The following NAALADL2 variants were observed in gnomAD, a reference collection of about 807,000 sequenced individuals.
NAALADL2 encodes inactive N-acetylated-alpha-linked acidic dipeptidase-like protein 2.
NAALADL2 carries 76 observed loss-of-function variants against 87.2 expected under a neutral mutation model. The observed-to-expected ratio is 0.87, with a 90% confidence interval of 0.72 to 1.05. The LOEUF is 1.05. NAALADL2 is among the 50% of genes least tolerant of loss of function. NAALADL2 has a pLI of 0.00. For synonymous variants in NAALADL2, 354 were observed against 331.0 expected (o/e 1.07, Z -0.75); for missense variants, 1,089 against 945.8 (o/e 1.15, Z -1.99).
intron 2 of NAALADL2, among the ~76,000 whole-genome samples, chr3:174,616,470 C>A (rs1410649778): frequency 6.6e-6 from 1 of 151,916 alleles, no homozygotes; most frequent in African/African-American, 2.4e-5. Flanking sequence ...AGATTTTTCA[C>A]TGGTATTTTG....
chr3:175,409,197 A>G (rs968495124), intron 5 of NAALADL2, among the ~76,000 whole-genome samples: 1 of 151,818 alleles, frequency 6.6e-6, no homozygotes, highest in African/African-American at 2.4e-5. Flanking sequence ...ACATAATCTT[A>G]TTAAACCATA....
chr3:174,851,795 T>C (rs1292939796), intron 3 of NAALADL2, among the ~76,000 whole-genome samples: 1 of 152,122 alleles, frequency 6.6e-6, no homozygotes, highest in Non-Finnish European at 1.5e-5. Context: ...TACATGCTAC[T>C]ATTTCTGATG....
chr3:175,616,916 T>C lies in NAALADL2; in HGVS notation c.1801-10375T>C, dbSNP rs556966656. ...GACCCCTAAGGTAGATCTGGATCAG[T>C]ATGGCGGTTGCGGTTCAGCGAATTT... On this transcript the variant is annotated intron_variant, in intron 10 of 13. Transcript: ENST00000454872. Among the ~76,000 whole-genome samples the C allele has an allele frequency of 5.9e-5, 9 of 152,138 alleles. No individual in the cohort carries two copies. In the South Asian group the frequency reaches 1.7e-3, roughly 28 times the overall value.
At chr3:175,077,299 A>G (rs912193190) in intron 1 of NAALADL2, among the ~76,000 whole-genome samples, 2 of 152,248 alleles carry the variant, frequency 1.3e-5, no homozygotes, top group Non-Finnish European at 1.5e-5. Flanking sequence ...TTCTACATCA[A>G]AGTGGCCTTT....
chr3:174,788,968 G>A (rs1717132317), intron 3 of NAALADL2, among the ~76,000 whole-genome samples: 1 of 152,204 alleles, frequency 6.6e-6, no homozygotes, highest in African/African-American at 2.4e-5. Context: ...GGAAGAGTTT[G>A]AGAGAAGTTT....
chr3:174,475,284 A>T (rs968908291), intron 1 of NAALADL2, among the ~76,000 whole-genome samples: 1 of 152,014 alleles, frequency 6.6e-6, no homozygotes, highest in South Asian at 2.1e-4. Context: ...ATAATTCTTT[A>T]CGTAAAATAA....
intron 9 of NAALADL2, among the ~76,000 whole-genome samples, chr3:175,546,014 T>C (rs1443465619): frequency 6.6e-6 from 1 of 152,072 alleles, no homozygotes; most frequent in Non-Finnish European, 1.5e-5. Context: ...AAATAAAACA[T>C]AGATGTAATA....
intron 2 of NAALADL2, among the ~76,000 whole-genome samples, chr3:174,730,400 G>C (rs1732585771): frequency 6.6e-6 from 1 of 152,002 alleles, no homozygotes. Context: ...TAAATTCATG[G>C]GGTAACATCC....
chr3:175,319,424 A>C (rs747771495), intron 4 of NAALADL2, among the ~76,000 whole-genome samples: 7 of 152,152 alleles, frequency 4.6e-5, no homozygotes, highest in Non-Finnish European at 8.8e-5. Context: ...ATCTGTTTCT[A>C]TTTTTGGCAC....
chr3:175,491,241 A>G (rs1441626441), intron 9 of NAALADL2, among the ~76,000 whole-genome samples: 3 of 150,198 alleles, frequency 2.0e-5, no homozygotes, highest in African/African-American at 4.9e-5. Flanking sequence ...TCCTATAAAT[A>G]TAATACAATA....
chr3:174,807,542 A>G (rs1719648551), intron 3 of NAALADL2, among the ~76,000 whole-genome samples: 1 of 152,048 alleles, frequency 6.6e-6, no homozygotes, highest in Admixed American at 6.6e-5. Context: ...CTTATTTGAC[A>G]TGTTGCCATG....
At chr3:174,507,175 T>C (rs1719252230) in intron 1 of NAALADL2, among the ~76,000 whole-genome samples, 1 of 152,176 alleles carries the variant, frequency 6.6e-6, no homozygotes, top group Admixed American at 6.5e-5. Context: ...TTCTTATATA[T>C]GATTTAAGGC....
At chr3:175,133,261 C>A (rs1331589530) in intron 2 of NAALADL2, among the ~76,000 whole-genome samples, 10 of 152,056 alleles carry the variant, frequency 6.6e-5, no homozygotes, top group Admixed American at 5.2e-4. Context: ...CAGAGGGGCT[C>A]CTCACATCCC....
intron 2 of NAALADL2, among the ~76,000 whole-genome samples, chr3:175,216,504 A>C (rs1580969247): frequency 6.6e-6 from 1 of 152,286 alleles, no homozygotes; most frequent in East Asian, 1.9e-4. Context: ...AAGCCTACTC[A>C]GGCAGGACAA....
At chr3:174,818,150 G>A (rs934998170) in intron 3 of NAALADL2, among the ~76,000 whole-genome samples, 2 of 152,068 alleles carry the variant, frequency 1.3e-5, no homozygotes, top group African/African-American at 2.4e-5. Context: ...TGTGTCCTTC[G>A]AAATGCCAAG....
chr3:175,372,004 A>G (rs1766564589), intron 5 of NAALADL2, among the ~76,000 whole-genome samples: 1 of 152,122 alleles, frequency 6.6e-6, no homozygotes, highest in Non-Finnish European at 1.5e-5. Context: ...GCAAATTCCT[A>G]CCATAACATG....
At chr3:174,670,024 ATTTAT>A (rs1265297071) in intron 2 of NAALADL2, among the ~76,000 whole-genome samples, 1 of 151,706 alleles carries the variant, frequency 6.6e-6, no homozygotes, top group Non-Finnish European at 1.5e-5. Context: ...TATTTTATTG[ATTTAT>A]TTTTCTGATT....
intron 1 of NAALADL2, among the ~76,000 whole-genome samples, chr3:174,469,377 C>T (rs1377673396): frequency 6.6e-6 from 1 of 151,918 alleles, no homozygotes; most frequent in African/African-American, 2.4e-5. Flanking sequence ...TCTGCGTCAG[C>T]CTCCGGAATA....
intron 13 of NAALADL2, among the ~76,000 whole-genome samples, chr3:175,794,487 TAGG>T (rs979975282): frequency 2.6e-5 from 4 of 152,194 alleles, no homozygotes; most frequent in South Asian, 2.1e-4. Flanking sequence ...TTTGAATTAG[TAGG>T]AGGTTTTTTA....
Sources: gnomAD v4.1 joint callset for allele counts (sites outside exome capture counted in the v4.1 genomes callset) on GRCh38, gnomAD v4.1.1 for gene constraint, MANE v1.5 for transcripts, NCBI Gene and HGNC (gene_info 2026-07-23, HGNC 2026-07-21) for gene names.